IL1R1: variants seen among roughly 807,000 people sequenced by gnomAD.
IL1R1 encodes interleukin 1 receptor type 1.
Under a neutral mutation model 50.2 loss-of-function variants are expected in IL1R1, and 22 were observed. The ratio of observed to expected loss-of-function variants is 0.44; its 90% CI spans 0.31 to 0.63. IL1R1 has a LOEUF of 0.63. Ranked by LOEUF, IL1R1 falls within the 20% of genes least tolerant of loss-of-function variation. The probability of loss-of-function intolerance (pLI) is 0.07; values close to 1 mark genes in which losing one functional copy is unlikely to be tolerated. For missense variants in IL1R1, 509 were observed against 676.2 expected (o/e 0.75, Z 2.74); for synonymous variants, 251 against 236.7 (o/e 1.06, Z -0.55).
chr2:102,122,473 G>A (rs1052837494), intron 1 of IL1R1, among the ~76,000 whole-genome samples: 2 of 152,138 alleles, frequency 1.3e-5, no homozygotes, highest in African/African-American at 2.4e-5. Context: ...GAGAAGTGCT[G>A]TACCTGGCAA....
intron 1 of IL1R1, among the ~76,000 whole-genome samples, chr2:102,097,721 A>C (rs1199379844): frequency 6.6e-6 from 1 of 151,882 alleles, no homozygotes; most frequent in Non-Finnish European, 1.5e-5. Context: ...GTCTCATATA[A>C]TATTAAATAT....
At chr2:102,145,021 T>C (rs180743105) in intron 1 of IL1R1, among the ~76,000 whole-genome samples, 16 of 152,336 alleles carry the variant, frequency 1.1e-4, no homozygotes, top group Non-Finnish European at 2.1e-4. Flanking sequence ...TGGGACATTA[T>C]GGAGAAGACA....
chr2:102,073,380 G>A (rs1282092942), intron 1 of IL1R1, among the ~76,000 whole-genome samples: 3 of 152,200 alleles, frequency 2.0e-5, no homozygotes, highest in Non-Finnish European at 2.9e-5. Flanking sequence ...AGTGCTGACT[G>A]TGAAGAAAAG....
In IL1R1 at chr2:102,176,589, C is replaced by A; in HGVS notation, c.1540C>A (p.Arg514Ser). The A allele has an allele frequency of 1.2e-6, 2 of 1,614,134 alleles. No homozygotes were observed. The highest frequency in any genetic ancestry group is 2.2e-5 in the South Asian group (2 of 91,084). The change falls in exon 12 of 12, where the codon CGC becomes AGC. Residue 514 changes from arginine to serine, a missense_variant. Transcript: ENST00000410023. ...KFIKQKHGAIRWSGDFTQGPQ... is the reference protein window; with the variant it reads ...KFIKQKHGAISWSGDFTQGPQ... ...CATTAAGCAGAAACATGGGGCTATCCGCTGGTCAGGGGACTTTACACAGGG... is the reference window on the plus strand; with the variant it reads ...CATTAAGCAGAAACATGGGGCTATCAGCTGGTCAGGGGACTTTACACAGGG...
intron 1 of IL1R1, among the ~76,000 whole-genome samples, chr2:102,110,614 A>G (rs1357293421): frequency 6.6e-6 from 1 of 151,220 alleles, no homozygotes; most frequent in Non-Finnish European, 1.5e-5. Context: ...TATCATGACC[A>G]TGCAGTGTCA....
intron 1 of IL1R1, among the ~76,000 whole-genome samples, chr2:102,078,075 C>T (rs990148798): frequency 6.6e-6 from 1 of 151,790 alleles, no homozygotes; most frequent in African/African-American, 2.4e-5. Flanking sequence ...TAAAGCTATA[C>T]ATAGAGAAAA....
chr2:102,085,133 C>T (rs1394313461), intron 1 of IL1R1, among the ~76,000 whole-genome samples: 7 of 152,192 alleles, frequency 4.6e-5, no homozygotes, highest in Admixed American at 1.3e-4. Flanking sequence ...TGGGTAAGAA[C>T]ACTTTGTCAG....
At chr2:102,103,990 GAAAA>G (rs72041212), upstream of IL1R1, among the ~76,000 whole-genome samples, 216 of 83,962 alleles carry the variant, frequency 2.6e-3, 2 homozygotes, top group African/African-American at 9.3e-3. Context: ...GACTGTCTCA[GAAAA>G]AAAAAAAAAA....
chr2:102,176,558 T>C lies in IL1R1; in HGVS notation c.1509T>C (p.Ile503=), dbSNP rs1247991333. The change falls in exon 12 of 12, where the codon ATT becomes ATC. Residue 503 remains isoleucine (I), a synonymous_variant. Coordinates refer to ENST00000410023, the MANE Select transcript of IL1R1 (RefSeq NM_000877.4). ...IQDYEKMPES[I]KFIKQKHGAI... ...ACTATGAGAAAATGCCAGAATCGAT[T>C]AAATTCATTAAGCAGAAACATGGGG... 1.4e-5 allele frequency: 22 copies of C among 1,614,016 alleles called. No homozygotes were observed. The Admixed American group carries it at 3.7e-4, about 27-fold the overall frequency.
At position 102,164,789 on chromosome 2, in the gene IL1R1, G is replaced by C. The variant is rs779664597; in HGVS notation, c.77G>C (p.Arg26Pro). The C allele has an allele frequency of 1.9e-6, 3 of 1,612,798 alleles. No individual in the cohort carries two copies. Among genetic ancestry groups the C allele is most frequent in the African/African-American group, 1.3e-5 (1 of 74,868 alleles). ...CCTTTTAAAGATAAATGCAAGGAACGTGAAGAAAAAATAATTTTAGTGTCA... is the reference window on the plus strand; with the variant it reads ...CCTTTTAAAGATAAATGCAAGGAACCTGAAGAAAAAATAATTTTAGTGTCA... ...SSLEADKCKEREEKIILVSSA... is the reference protein window; with the variant it reads ...SSLEADKCKEPEEKIILVSSA... Residue 26 changes from arginine to proline, a missense_variant, in exon 4 of 12, where the codon CGT (arginine) becomes CCT (proline). Transcript: ENST00000410023.
chr2:102,129,600 G>A (rs549396225), intron 1 of IL1R1, among the ~76,000 whole-genome samples: 4 of 152,304 alleles, frequency 2.6e-5, no homozygotes, highest in Non-Finnish European at 5.9e-5. Flanking sequence ...GGTCCTTATG[G>A]TGAACCTGAC....
At position 102,132,698 on chromosome 2, in the gene IL1R1, C is replaced by T. The variant is rs187581480; in HGVS notation, c.-83-21243C>T. On this transcript the variant is annotated intron_variant, in intron 1 of 10. Coordinates refer to the IL1R1 transcript ENST00000409329. ...GAGAAGATCAATAAAATTGATAAAC[C>T]TTTAGCTGGATTGACTGTGGATTAA... Among the ~76,000 whole-genome samples, 171 of 152,162 alleles carry T rather than the reference C, an allele frequency of 1.1e-3. 1 individual carries two copies. The highest frequency in any genetic ancestry group is 3.8e-3 in the African/African-American group (158 of 41,510).
intron 1 of IL1R1, among the ~76,000 whole-genome samples, chr2:102,096,891 T>TC (rs1245907623): frequency 7.6e-6 from 1 of 131,912 alleles, no homozygotes; most frequent in Non-Finnish European, 1.6e-5. Context: ...TTTTTTTTTT[T>TC]CTGCATGGGA....
At chr2:102,146,118 G>A (rs552104356) in intron 1 of IL1R1, among the ~76,000 whole-genome samples, 7 of 152,190 alleles carry the variant, frequency 4.6e-5, no homozygotes, top group African/African-American at 1.7e-4. Context: ...ATGGTTCAGC[G>A]AGCTGTGAAC....
At chr2:102,074,413 C>CATCTCTGGGCCTCTCCACCCATGTT (rs1553621224) in intron 1 of IL1R1, among the ~76,000 whole-genome samples, 15 of 151,986 alleles carry the variant, frequency 9.9e-5, no homozygotes, top group Admixed American at 8.5e-4. Flanking sequence ...CTGCCCATGT[C>CATCTCTGGGCCTCTCCACCCATGTT]ATCTCTGGGC....
intron 1 of IL1R1, among the ~76,000 whole-genome samples, chr2:102,134,261 G>GAT (rs1682211774): frequency 2.4e-5 from 1 of 42,106 alleles, no homozygotes; most frequent in African/African-American, 2.0e-4. Flanking sequence ...TGTTCTTGTC[G>GAT]GTGCACTCAA....
upstream of IL1R1, among the ~76,000 whole-genome samples, chr2:102,101,102 T>G (rs965181143): frequency 6.6e-6 from 1 of 152,204 alleles, no homozygotes; most frequent in Non-Finnish European, 1.5e-5. Context: ...TCCACACAAG[T>G]CACCCAGAAA....
In IL1R1 at chr2:102,165,268, T is replaced by C. The variant is rs1008604355; in HGVS notation, c.450T>C (p.Asn150=). ...GCCCTTATATGGAGTTTTTTAAAAA[T>C]GAAAATAATGAGTTACCTAAATTAC... ...LVCPYMEFFK[N]ENNELPKLQW... Residue 150 remains asparagine, a synonymous_variant, in exon 5 of 12, where the codon AAT becomes AAC. Coordinates refer to ENST00000410023, the MANE Select transcript of IL1R1 (RefSeq NM_000877.4). 1 of 1,580,374 alleles carries C rather than the reference T, an allele frequency of 6.3e-7. No individual in the cohort carries two copies. Among genetic ancestry groups the C allele is most frequent in the Non-Finnish European group, 8.5e-7 (1 of 1,169,754 alleles).
intron 1 of IL1R1, among the ~76,000 whole-genome samples, chr2:102,077,334 G>C (rs999056947): frequency 6.6e-6 from 1 of 152,204 alleles, no homozygotes; most frequent in African/African-American, 2.4e-5. Flanking sequence ...GCCTCCCAAA[G>C]TGCTGGGATT....
Sources: allele counts gnomAD v4.1 joint callset (sites outside exome capture counted in the v4.1 genomes callset), GRCh38; gene constraint gnomAD v4.1.1; transcripts MANE v1.5; gene names NCBI Gene and HGNC (gene_info 2026-07-23, HGNC 2026-07-21).